The following RBFOX3 variants were observed in gnomAD, a reference collection of about 807,000 sequenced individuals.
RBFOX3 encodes the protein RNA binding fox-1 homolog 3.
In RBFOX3, 17 loss-of-function variants were observed where a neutral mutation model predicts 48.7. The observed-to-expected ratio is 0.35, with a 90% CI of 0.24 to 0.52. The LOEUF (loss-of-function observed/expected upper bound fraction) is 0.52, where lower values mean the gene tolerates loss of function less well. Among genes scored for constraint, RBFOX3 ranks in the 20% least tolerant of loss-of-function variants. RBFOX3 has a pLI of 0.94. For synonymous variants in RBFOX3, 212 were observed against 209.5 expected (o/e 1.01, Z -0.10); for missense variants, 382 against 497.5 (o/e 0.77, Z 2.21).
At chr17:79,306,361 G>A (rs1033139221) in intron 3 of RBFOX3, among the ~76,000 whole-genome samples, 19 of 152,368 alleles carry the variant, frequency 1.2e-4, no homozygotes, top group African/African-American at 3.1e-4. Flanking sequence ...CATGCAGAGC[G>A]CCAGCCATGG....
At chr17:79,345,313 T>TC (rs1197959586) in intron 2 of RBFOX3, among the ~76,000 whole-genome samples, 1 of 152,262 alleles carries the variant, frequency 6.6e-6, no homozygotes, top group African/African-American at 2.4e-5. Flanking sequence ...TGTAGTGATG[T>TC]CCCCTGCTTC....
At chr17:79,491,812 G>A (rs2149606741) in intron 1 of RBFOX3, among the ~76,000 whole-genome samples, 1 of 152,278 alleles carries the variant, frequency 6.6e-6, no homozygotes, top group South Asian at 2.1e-4. Flanking sequence ...GGGCATGGTG[G>A]TTCATACCTG....
At chr17:79,287,656 C>A (rs1352039675) in intron 3 of RBFOX3, among the ~76,000 whole-genome samples, 2 of 152,194 alleles carry the variant, frequency 1.3e-5, no homozygotes, top group Non-Finnish European at 2.9e-5. Context: ...AATCGGGGAT[C>A]CTGAGGTGAC....
At position 79,537,257 on chromosome 17, in the gene RBFOX3, C is replaced by T. The variant is rs145312835; in HGVS notation, c.-319-54659G>A. Reference sequence around the variant, plus strand: ...CCCTTCCGGCTTCTGGCATTGCCGGCGGTGCTCAGTGCACTTGACTTGTTG... The same window carrying T: ...CCCTTCCGGCTTCTGGCATTGCCGGTGGTGCTCAGTGCACTTGACTTGTTG... On this transcript the variant is annotated intron_variant, in intron 1 of 14. Transcript: ENST00000693108. 1.5e-3 allele frequency among the ~76,000 whole-genome samples: 227 copies of T among 152,302 alleles called. 1 individual carries two copies. Among genetic ancestry groups the T allele is most frequent in the African/African-American group, 4.9e-3 (204 of 41,576 alleles).
chr17:79,373,482 A>C (rs530687689), intron 2 of RBFOX3, among the ~76,000 whole-genome samples: 24 of 152,248 alleles, frequency 1.6e-4, no homozygotes, highest in African/African-American at 5.3e-4. Flanking sequence ...ACACACCTGA[A>C]ATCCTTTCTC....
rs1361739151 is a variant in RBFOX3 at position 79,118,819 on chromosome 17, A to T, written c.-33-3071T>A. Among the ~76,000 whole-genome samples the T allele has an allele frequency of 3.3e-5, 5 of 150,718 alleles. 1 individual carries two copies. The highest frequency in any genetic ancestry group is 4.2e-4 in the South Asian group (2 of 4,762). ...GAAACCCTCTCTACAAAAAATAAAA[A>T]AAAAAAAAATAGCCAGGTGTGGTGG... On this transcript the variant is annotated intron_variant, in intron 4 of 14. Coordinates refer to ENST00000693108, the MANE Select transcript of RBFOX3 (RefSeq NM_001350451.2).
At chr17:79,268,890 C>T (rs949034776) in intron 3 of RBFOX3, among the ~76,000 whole-genome samples, 71 of 152,238 alleles carry the variant, frequency 4.7e-4, no homozygotes, top group Non-Finnish European at 9.1e-4. Flanking sequence ...TCAGCCATTG[C>T]TCCCTGAAAC....
intron 3 of RBFOX3, among the ~76,000 whole-genome samples, chr17:79,236,120 C>T (rs1405888603): frequency 1.3e-5 from 2 of 152,162 alleles, no homozygotes; most frequent in African/African-American, 4.8e-5. Context: ...ACCTCAAACT[C>T]CAAGCACTCC....
At chr17:79,514,981 G>A (rs971906445) in intron 1 of RBFOX3, among the ~76,000 whole-genome samples, 21 of 152,160 alleles carry the variant, frequency 1.4e-4, no homozygotes, top group Admixed American at 5.9e-4. Context: ...CTTCCCTAGA[G>A]CCGTCACCTC....
At chr17:79,427,238 C>T (rs558486349) in intron 2 of RBFOX3, among the ~76,000 whole-genome samples, 7 of 152,322 alleles carry the variant, frequency 4.6e-5, no homozygotes, top group East Asian at 3.9e-4. Flanking sequence ...GGAAGCAGTG[C>T]GGCCAGGGAG....
intron 4 of RBFOX3, among the ~76,000 whole-genome samples, chr17:79,221,212 G>T (rs1250910607): frequency 6.6e-6 from 1 of 152,260 alleles, no homozygotes; most frequent in Admixed American, 6.5e-5. Context: ...ATACAGCCAG[G>T]GACCCAGGCC....
At chr17:79,547,477 A>AAAG (rs1555792256) in intron 1 of RBFOX3, among the ~76,000 whole-genome samples, 9 of 152,050 alleles carry the variant, frequency 5.9e-5, no homozygotes, top group African/African-American at 1.9e-4. Flanking sequence ...AAAACAAAAA[A>AAAG]ACTGTTGCTT....
intron 1 of RBFOX3, among the ~76,000 whole-genome samples, chr17:79,608,576 G>A (rs977378033): frequency 2.0e-5 from 3 of 152,176 alleles, no homozygotes; most frequent in Non-Finnish European, 4.4e-5. Flanking sequence ...AACCCCTGCC[G>A]CACGCACGCA....
At chr17:79,381,402 A>C (rs1030601795) in intron 2 of RBFOX3, among the ~76,000 whole-genome samples, 2 of 151,362 alleles carry the variant, frequency 1.3e-5, no homozygotes, top group Non-Finnish European at 2.9e-5. Flanking sequence ...TTTTCTTTGT[A>C]CGGAGTCTTT....
At chr17:79,437,801 G>A (rs2069855091) in intron 2 of RBFOX3, among the ~76,000 whole-genome samples, 2 of 152,252 alleles carry the variant, frequency 1.3e-5, no homozygotes, top group Non-Finnish European at 2.9e-5. Flanking sequence ...GCTCCTGCCT[G>A]ACTGCTCTGC....
At chr17:79,577,259 TG>T (rs2092894495) in intron 1 of RBFOX3, among the ~76,000 whole-genome samples, 1 of 152,036 alleles carries the variant, frequency 6.6e-6, no homozygotes, top group Non-Finnish European at 1.5e-5. Flanking sequence ...TGAAAAGTAG[TG>T]GGTGAGTAAG....
rs1034791980 is a variant in RBFOX3, at chr17:79,311,203, C to T, written c.-174-3379G>A. ...ATCCCAGCACTTTGGGAGGCCGAGG[C>T]GGGTAGATCACCTGAGGTCAGGAGT... is the stretch of plus-strand genomic sequence containing the variant. On this transcript the variant is annotated intron_variant, in intron 2 of 14. Transcript: ENST00000693108. The surrounding 1 kb of genome is among the most constrained non-coding windows in gnomAD (Gnocchi z 4.2). Among the ~76,000 whole-genome samples the T allele has an allele frequency of 3.3e-5, 5 of 152,154 alleles. No homozygotes were observed. Among genetic ancestry groups the T allele is most frequent in the Admixed American group, 6.5e-5 (1 of 15,270 alleles).
At position 79,214,324 on chromosome 17, in the gene RBFOX3, T is replaced by C. The variant is rs760214572; in HGVS notation, c.-34+21442A>G. On this transcript the variant is annotated intron_variant, in intron 4 of 14. Transcript: ENST00000693108. This position sits in a 1 kb window ranked among gnomAD's most constrained non-coding sequence, Gnocchi z 4.7. ...AATGATTTTTAATAAAAATCAGACATGGTCATGGAGGTGCCTCATGGAGGA... is the reference window on the plus strand; with the variant it reads ...AATGATTTTTAATAAAAATCAGACACGGTCATGGAGGTGCCTCATGGAGGA... Among the ~76,000 whole-genome samples, 2 of 152,190 alleles carry C rather than the reference T, an allele frequency of 1.3e-5. No individual in the cohort carries two copies. Among genetic ancestry groups the C allele is most frequent in the Non-Finnish European group, 2.9e-5 (2 of 68,030 alleles).
intron 2 of RBFOX3, among the ~76,000 whole-genome samples, chr17:79,459,885 G>T (rs2075142932): frequency 6.6e-6 from 1 of 152,144 alleles, no homozygotes; most frequent in African/African-American, 2.4e-5. Context: ...TGTGTGACTG[G>T]AATAGTCAAT....
Sources: allele counts gnomAD v4.1 joint callset (sites outside exome capture counted in the v4.1 genomes callset), GRCh38; gene constraint gnomAD v4.1.1; non-coding constraint Gnocchi (gnomAD v3.1); transcripts MANE v1.5; gene names NCBI Gene and HGNC (gene_info 2026-07-23, HGNC 2026-07-21).